IGF1R: variants seen among roughly 807,000 people sequenced by gnomAD.
IGF1R encodes insulin like growth factor 1 receptor, also known as insulin-like growth factor 1 receptor.
A neutral mutation model predicts 144.6 loss-of-function variants in IGF1R; 44 were observed. The ratio of observed to expected loss-of-function variants is 0.30; its 90% CI spans 0.24 to 0.39. The LOEUF (loss-of-function observed/expected upper bound fraction) is 0.39. Among genes scored for constraint, IGF1R ranks in the 10% least tolerant of loss-of-function variants. The pLI is 1.00. For missense variants in IGF1R, 1,355 were observed against 1,833.7 expected (o/e 0.74, Z 4.77); for synonymous variants, 795 against 722.8 (o/e 1.10, Z -1.60).
chr15:98,820,046 C>T (rs59099842), intron 2 of IGF1R, among the ~76,000 whole-genome samples: 5,462 of 152,212 alleles, frequency 0.036, 340 homozygotes, highest in African/African-American at 0.12. Context: ...AATCCTTACG[C>T]GTTCACAAAC....
chr15:98,779,102 C>T (rs1030521335), intron 2 of IGF1R, among the ~76,000 whole-genome samples: 8 of 152,162 alleles, frequency 5.3e-5, no homozygotes, highest in Non-Finnish European at 7.3e-5. Context: ...GTGCTTGGTA[C>T]GAAGTAGTAA....
At chr15:98,836,521 TA>T (rs36070885) in intron 2 of IGF1R, among the ~76,000 whole-genome samples, 6,521 of 129,848 alleles carry the variant, frequency 0.05, 374 homozygotes, top group African/African-American at 0.15. Context: ...CCTGTCTCTT[TA>T]AAAAAAAAAA....
intron 2 of IGF1R, among the ~76,000 whole-genome samples, chr15:98,746,462 T>C (rs2054868746): frequency 6.6e-6 from 1 of 152,164 alleles, no homozygotes; most frequent in African/African-American, 2.4e-5. Context: ...CCTGGATAGA[T>C]GTCTTTTTAG....
chr15:98,783,228 G>A (rs1440855274), intron 2 of IGF1R, among the ~76,000 whole-genome samples: 1 of 152,190 alleles, frequency 6.6e-6, no homozygotes, highest in African/African-American at 2.4e-5. Context: ...TGTGAAACTA[G>A]TACAGTATCA....
chr15:98,834,623 T>A (rs2057061056), intron 2 of IGF1R, among the ~76,000 whole-genome samples: 1 of 152,212 alleles, frequency 6.6e-6, no homozygotes, highest in Non-Finnish European at 1.5e-5. Flanking sequence ...AAGCAGTGAC[T>A]GTGAGGTGGG....
chr15:98,933,830 G>A (rs1222907652), intron 15 of IGF1R, among the ~76,000 whole-genome samples: 2 of 152,064 alleles, frequency 1.3e-5, no homozygotes, highest in Non-Finnish European at 2.9e-5. Flanking sequence ...GGCACCACCG[G>A]GTCTCTCCCT....
chr15:98,935,074 A>C lies in IGF1R; in HGVS notation c.3186+21A>C. The C allele has an allele frequency of 6.3e-7, 1 of 1,580,266 alleles. No homozygotes were observed. Among genetic ancestry groups the C allele is most frequent in the African/African-American group, 1.3e-5 (1 of 74,410 alleles). On this transcript the variant is annotated intron_variant, in intron 16 of 20. Transcript: ENST00000650285. This position sits in a 1 kb window ranked among gnomAD's most constrained non-coding sequence, Gnocchi z 4.2. Reference sequence around the variant, plus strand: ...ATGTGGTAAGAGAAAGTTCCTGAAAAGCCAAAATGCAGCACAGGGAGAGGG... The same window carrying C: ...ATGTGGTAAGAGAAAGTTCCTGAAACGCCAAAATGCAGCACAGGGAGAGGG...
At chr15:98,894,347 G>T (rs2014071232) in intron 3 of IGF1R, among the ~76,000 whole-genome samples, 1 of 152,308 alleles carries the variant, frequency 6.6e-6, no homozygotes, top group Admixed American at 6.5e-5. Context: ...TGAAATTTAT[G>T]TCAACACAAA....
At chr15:98,872,046 C>T (rs763662588) in intron 2 of IGF1R, among the ~76,000 whole-genome samples, 8 of 152,224 alleles carry the variant, frequency 5.3e-5, no homozygotes, top group Admixed American at 2.0e-4. Flanking sequence ...ACCTCCACCA[C>T]CCCAGTGGGT....
chr15:98,927,877 C>T (rs747439537), intron 13 of IGF1R, among the ~76,000 whole-genome samples: 10 of 152,188 alleles, frequency 6.6e-5, no homozygotes, highest in Admixed American at 2.6e-4. Context: ...ATTCCAGGCC[C>T]ATTTCCACAT....
chr15:98,759,307 C>G (rs1382769425), intron 2 of IGF1R, among the ~76,000 whole-genome samples: 1 of 152,198 alleles, frequency 6.6e-6, no homozygotes. Flanking sequence ...CAGAGTGCCC[C>G]AGAAAGGACA....
intron 2 of IGF1R, among the ~76,000 whole-genome samples, chr15:98,750,272 T>G (rs991382879): frequency 2.0e-5 from 3 of 152,100 alleles, no homozygotes; most frequent in African/African-American, 7.2e-5. Flanking sequence ...CTGGGCAGTT[T>G]TGCGCTTCTC....
At chr15:98,897,796 G>A (rs1053224778) in intron 4 of IGF1R, among the ~76,000 whole-genome samples, 1 of 152,144 alleles carries the variant, frequency 6.6e-6, no homozygotes, top group Non-Finnish European at 1.5e-5. Context: ...TCTAGTAATG[G>A]TGCCTTAAAT....
In IGF1R at chr15:98,930,106, A is replaced by G. The variant is rs35862752; in HGVS notation, c.2886-129A>G. Reference sequence around the variant, plus strand: ...GTAGACAAGAGCTGCTGTAGACAGTAAGCTCTCCCCATTCTGTTCTGATAC... The same window carrying G: ...GTAGACAAGAGCTGCTGTAGACAGTGAGCTCTCCCCATTCTGTTCTGATAC... On this transcript the variant is annotated intron_variant, in intron 14 of 20. Coordinates refer to ENST00000650285, the MANE Select transcript of IGF1R (RefSeq NM_000875.5). 1.6e-3 allele frequency: 1,223 copies of G among 743,288 alleles called. 12 individuals carry two copies. The African/African-American group carries it at 0.019, about 12-fold the overall frequency. The allele number at this position is 743,288 out of a possible 1,614,324, so 46.0% of individuals were successfully genotyped here. A position where few individuals can be genotyped will look rare whatever the true frequency, so the allele number is the denominator to read the frequency against.
intron 2 of IGF1R, among the ~76,000 whole-genome samples, chr15:98,840,219 A>G (rs548524438): frequency 3.3e-5 from 5 of 152,332 alleles, no homozygotes; most frequent in Admixed American, 2.6e-4. Context: ...AGTGTGTTAC[A>G]TGAGCTCAGA....
At chr15:98,805,925 C>T (rs2056461528) in intron 2 of IGF1R, among the ~76,000 whole-genome samples, 1 of 152,152 alleles carries the variant, frequency 6.6e-6, no homozygotes, top group Non-Finnish European at 1.5e-5. Context: ...GGAGTTAGCA[C>T]AGACTCCACA....
rs1445610665 is a variant in IGF1R, at chr15:98,910,875, G to A, written c.1463-440G>A. ...TTACCTGTCTTTGGTGGTTGTACACGAACAGGCAGATATCCACAACTGCAG... is the reference window on the plus strand; with the variant it reads ...TTACCTGTCTTTGGTGGTTGTACACAAACAGGCAGATATCCACAACTGCAG... On this transcript the variant is annotated intron_variant, in intron 6 of 20. Coordinates refer to ENST00000650285, the MANE Select transcript of IGF1R (RefSeq NM_000875.5). 2.6e-5 allele frequency among the ~76,000 whole-genome samples: 4 copies of A among 152,324 alleles called. No individual in the cohort carries two copies. The South Asian group carries it at 6.2e-4, about 24-fold the overall frequency.
intron 3 of IGF1R, among the ~76,000 whole-genome samples, chr15:98,893,051 C>G (rs542025362): frequency 7.9e-5 from 12 of 152,288 alleles, no homozygotes; most frequent in African/African-American, 2.9e-4. Flanking sequence ...TTTTAGTGGA[C>G]TAAATGCCTC....
At position 98,913,141 on chromosome 15, in the gene IGF1R, G is replaced by A. The variant is rs1018742552; in HGVS notation, c.1687G>A (p.Glu563Lys). The change falls in exon 8 of 21, where the codon GAG becomes AAG. Residue 563 changes from glutamate to lysine, a missense_variant. Physicochemically the swap from Glu to Lys is moderately conservative, Grantham distance 56. Around this residue, in one of 7 missense-constraint regions of IGF1R, gnomAD observed 880 missense variants for 1,202.7 expected, o/e 0.73. Transcript: ENST00000650285. ...DVDLPPNKDV[E>K]PGILLHGLKP... ...GGACCTCCCGCCCAACAAGGACGTG[G>A]AGCCCGGCATCTTACTACATGGGCT... 2 of 1,614,236 alleles carry A rather than the reference G, an allele frequency of 1.2e-6. No homozygotes were observed. The highest frequency in any genetic ancestry group is 1.7e-6 in the Non-Finnish European group (2 of 1,180,036).
Sources: gnomAD v4.1 joint callset for allele counts (sites outside exome capture counted in the v4.1 genomes callset) on GRCh38, gnomAD v4.1.1 for gene constraint, gnomAD v4.1.1 regional missense constraint, Gnocchi (gnomAD v3.1) non-coding constraint, MANE v1.5 for transcripts, NCBI Gene and HGNC (gene_info 2026-07-23, HGNC 2026-07-21) for gene names.